The following PFKM variants were observed in gnomAD, a reference collection of about 807,000 sequenced individuals.
PFKM encodes the protein phosphofructokinase, muscle.
Under a neutral mutation model 95.5 loss-of-function variants are expected in PFKM, and 58 were observed. The observed-to-expected ratio is 0.61, with a 90% CI of 0.49 to 0.76. The LOEUF is 0.76. PFKM is among the 30% of genes least tolerant of loss of function. PFKM has a pLI of 0.00. For missense variants in PFKM, 678 were observed against 1,005.4 expected (o/e 0.67, Z 4.40); for synonymous variants, 336 against 357.2 (o/e 0.94, Z 0.67).
rs1480383508 is a variant in PFKM at position 48,135,032 on chromosome 12, C to T, written c.837C>T (p.Ile279=). The part of the protein sequence containing the change: ...KNGKPITSED[I]KNLVVKRLGY... ...GAAAACCAATCACCTCAGAAGACAT[C>T]AAGAATGTTCGTATGAATGAAGCCA... Residue 279 remains isoleucine (I), a synonymous_variant, in exon 9 of 23, where the codon ATC becomes ATT. Coordinates refer to ENST00000359794, the MANE Select transcript of PFKM (RefSeq NM_000289.6). 1 of 1,609,648 alleles carries T rather than the reference C, an allele frequency of 6.2e-7. No homozygotes were observed. Among genetic ancestry groups the T allele is most frequent in the Non-Finnish European group, 8.5e-7 (1 of 1,175,996 alleles).
intron 15 of PFKM, 41 bp downstream of exon 15, chr12:48,141,422 T>TA (rs1387519844): frequency 1.3e-6 from 2 of 1,556,762 alleles, no homozygotes; most frequent in Admixed American, 3.3e-5. Context: ...AGTCACCTCT[T>TA]AAAGTTGCCC....
chr12:48,140,571 C>T, intron 13 of PFKM, 151 bp from the exon 14 acceptor site: 1 of 808,810 alleles, frequency 1.2e-6, no homozygotes, highest in Non-Finnish European at 2.1e-6. Context: ...GCTGGCATTC[C>T]TTGGGAGAGG....
chr12:48,118,693 C>T (rs1452624904), upstream of PFKM: 14 of 665,694 alleles, frequency 2.1e-5, no homozygotes, highest in Non-Finnish European at 2.7e-5. Context: ...GCCAGAATCC[C>T]GCCCCCATCC....
Position 48,122,105 on chromosome 12 carries a change from A to G in PFKM, c.-8-662A>G, listed in dbSNP as rs184036123. Among the ~76,000 whole-genome samples, 259 of 152,308 alleles carry G rather than the reference A, an allele frequency of 1.7e-3. 2 individuals are homozygous for G. Among genetic ancestry groups the G allele is most frequent in the Admixed American group, 3.9e-3 (60 of 15,302 alleles). On this transcript the variant is annotated intron_variant, in intron 1 of 22. Transcript: ENST00000359794. The stretch of plus-strand genomic sequence containing the variant: ...GGGCAAGACCCAAAGACCAAGGATC[A>G]AGAGATGCTCAGGAGGCTGACATCC...
intron 4 of PFKM, 145 bp from the exon 5 acceptor site, chr12:48,132,723 T>C: frequency 5.5e-6 from 4 of 726,018 alleles, no homozygotes; most frequent in Non-Finnish European, 9.8e-6. Context: ...CCCTTTCCTT[T>C]GGAAGGGACA....
chr12:48,131,277 G>T lies in PFKM; in HGVS notation c.160-39G>T, dbSNP rs1050982941. On this transcript the variant is annotated intron_variant, in intron 3 of 22. Coordinates refer to ENST00000359794, the MANE Select transcript of PFKM (RefSeq NM_000289.6). ...TGTCTTAATCTTGGGAATTTATAGAGAAGCCTAACGGGCTGAACAGGTATA... is the reference window on the plus strand; with the variant it reads ...TGTCTTAATCTTGGGAATTTATAGATAAGCCTAACGGGCTGAACAGGTATA... The T allele has an allele frequency of 2.2e-6, 3 of 1,381,828 alleles. No homozygotes were observed. The African/African-American group carries it at 4.3e-5, about 20-fold the overall frequency. 85.6% of individuals were successfully genotyped at this position (1,381,828 alleles called of 1,614,324 possible).
intron 2 of PFKM, chr12:48,125,571 A>T: frequency 4.4e-6 from 1 of 225,350 alleles, no homozygotes; most frequent in Non-Finnish European, 9.0e-6. Flanking sequence ...CGGTGAGTCG[A>T]GATCACACCA....
chr12:48,109,951 A>G (rs918886016), intron 3 of PFKM, among the ~76,000 whole-genome samples: 1 of 152,196 alleles, frequency 6.6e-6, no homozygotes. Context: ...AAAGTAGTAA[A>G]CAAAACAGGT....
intron 3 of PFKM, among the ~76,000 whole-genome samples, chr12:48,111,932 C>G (rs964888688): frequency 6.6e-6 from 1 of 152,084 alleles, no homozygotes; most frequent in Admixed American, 6.6e-5. Flanking sequence ...GTTATGAGAG[C>G]TGTAGAGAGT....
chr12:48,139,809 A>G, intron 12 of PFKM, 40 bp from the exon 13 acceptor site: 3 of 1,341,218 alleles, frequency 2.2e-6, no homozygotes, highest in Non-Finnish European at 2.1e-6. Flanking sequence ...GCTGTGGGGA[A>G]TGGCCTGAAG....
rs1565834389 is a variant in PFKM at position 48,108,147 on chromosome 12, CT to C, written c.159del (p.Met54TrpfsTer19). ...ACAGACATCTTGAAGAGTCTAGATA[CT>C]ATGGATGATCCAGACACCGTGGGAA... is the stretch of plus-strand genomic sequence containing the variant. On this transcript the variant is annotated frameshift_variant, in exon 3 of 25. Transcript: ENST00000340802. LOFTEE classifies it high-confidence loss of function. 6.3e-7 allele frequency: 1 copy of C among 1,598,428 alleles called. No individual in the cohort carries two copies. Among genetic ancestry groups the C allele is most frequent in the Admixed American group, 1.7e-5 (1 of 59,996 alleles).
intron 1 of PFKM, chr12:48,106,561 G>A (rs558665963): frequency 2.0e-4 from 38 of 194,672 alleles, no homozygotes; most frequent in Admixed American, 1.1e-3. Flanking sequence ...GGTTATTGGA[G>A]ATACTTTAGT....
chr12:48,128,755 AGTGCTTGTTG>A (rs1270752808), intron 2 of PFKM, among the ~76,000 whole-genome samples: 1 of 152,146 alleles, frequency 6.6e-6, no homozygotes, highest in Non-Finnish European at 1.5e-5. Flanking sequence ...TAGCTCTCTT[AGTGCTTGTTG>A]GTATATTACA....
In PFKM at chr12:48,145,296, A is replaced by C. The variant is rs200059424; in HGVS notation, c.2179A>C (p.Lys727Gln). ...ALVFQPVAEL[K>Q]DQTDFEHRIP... ...GGTCTTCCAACCAGTGGCTGAGCTGAAGGACCAGACAGATTTTGAGTGAGT... is the reference window on the plus strand; with the variant it reads ...GGTCTTCCAACCAGTGGCTGAGCTGCAGGACCAGACAGATTTTGAGTGAGT... Residue 727 changes from lysine (K) to glutamine (Q), a missense_variant, in exon 22 of 23, where the codon AAG becomes CAG. Lys to Gln is a moderately conservative substitution (Grantham distance 53). Coordinates refer to ENST00000359794, the MANE Select transcript of PFKM (RefSeq NM_000289.6). The surrounding 1 kb of genome is among the most constrained non-coding windows in gnomAD (Gnocchi z 4.3). The C allele has an allele frequency of 1.1e-5, 17 of 1,613,624 alleles. No individual in the cohort carries two copies. The highest frequency in any genetic ancestry group is 1.4e-5 in the Non-Finnish European group (16 of 1,179,696).
rs1310081048 is a variant in PFKM, at chr12:48,135,293, G to T, written c.846G>T (p.Leu282=). ...TGTCCCTCTGTTGGTCCCTTCAGCTGGTGGTTAAGCGTCTGGGATATGACA... is the reference window on the plus strand; with the variant it reads ...TGTCCCTCTGTTGGTCCCTTCAGCTTGTGGTTAAGCGTCTGGGATATGACA... ...KPITSEDIKN[L]VVKRLGYDTR... is the part of the protein sequence containing the mutation. The change falls in exon 10 of 23, where the codon CTG becomes CTT. Residue 282 remains leucine, a splice_region_variant and synonymous_variant. Transcript: ENST00000359794. 1.2e-6 allele frequency: 2 copies of T among 1,613,360 alleles called. No homozygotes were observed. The highest frequency in any genetic ancestry group is 1.7e-6 in the Non-Finnish European group (2 of 1,179,404).
chr12:48,133,650 A>G (rs184668903), intron 6 of PFKM, among the ~76,000 whole-genome samples, 170 bp downstream of exon 6: 1 of 152,328 alleles, frequency 6.6e-6, no homozygotes, highest in East Asian at 1.9e-4. Context: ...CTGAAATTGC[A>G]CTGTTCCCTT....
upstream of PFKM, chr12:48,105,862 G>A (rs1460988280): frequency 1.7e-6 from 1 of 605,574 alleles, no homozygotes; most frequent in South Asian, 2.0e-5. Context: ...CAGCAGGGGG[G>A]AGGGGAGGTG....
chr12:48,119,022 T>C (rs1343991779), upstream of PFKM, among the ~76,000 whole-genome samples: 1 of 152,150 alleles, frequency 6.6e-6, no homozygotes, highest in African/African-American at 2.4e-5. Context: ...GAATGCAAGG[T>C]GTCTCAGGCA....
At chr12:48,134,642 C>G (rs1473663487) in intron 7 of PFKM, 79 bp from the exon 8 acceptor site, 1 of 1,025,298 alleles carries the variant, frequency 9.8e-7, no homozygotes, top group Admixed American at 1.8e-5. Flanking sequence ...ACTATGAGGA[C>G]TAGGAGAACT....
Sources: gnomAD v4.1 joint callset for allele counts (sites outside exome capture counted in the v4.1 genomes callset) on GRCh38, gnomAD v4.1.1 for gene constraint, Gnocchi (gnomAD v3.1) non-coding constraint, MANE v1.5 for transcripts, NCBI Gene and HGNC (gene_info 2026-07-23, HGNC 2026-07-21) for gene names.